The following CNTN4 variants were observed in gnomAD, a reference collection of about 807,000 sequenced individuals.
CNTN4 encodes contactin 4, also known as contactin-4.
A neutral mutation model predicts 122.5 loss-of-function variants in CNTN4; 77 were observed. That is an observed-to-expected ratio of 0.63 (90% confidence interval 0.52 to 0.76). The LOEUF is 0.76. CNTN4 is among the 30% of genes least tolerant of loss of function. The pLI, the probability that CNTN4 is intolerant of heterozygous loss-of-function variation, is 0.00. For missense variants in CNTN4, 1,256 were observed against 1,259.1 expected, an observed-to-expected ratio of 1.00 and a Z score of 0.04; for synonymous variants, 512 against 447.0, an observed-to-expected ratio of 1.15 and a Z score of -1.83.
chr3:2,528,718 G>C (rs1479553), intron 3 of CNTN4, among the ~76,000 whole-genome samples: 14,697 of 151,876 alleles, frequency 0.097, 1,480 homozygotes, highest in East Asian at 0.52. Context: ...ATGAACCAAG[G>C]TTTTTTTCAA....
At chr3:2,505,291 C>CA (rs1428681296) in intron 3 of CNTN4, among the ~76,000 whole-genome samples, 1 of 152,072 alleles carries the variant, frequency 6.6e-6, no homozygotes, top group East Asian at 1.9e-4. Context: ...AAACAGAAAG[C>CA]AGACATCAGA....
intron 2 of CNTN4, among the ~76,000 whole-genome samples, chr3:2,269,530 A>G (rs1364066149): frequency 5.3e-5 from 8 of 152,104 alleles, no homozygotes; most frequent in Non-Finnish European, 1.0e-4. Flanking sequence ...CAGAGGAATC[A>G]TTTCGGTGGC....
intron 13 of CNTN4, among the ~76,000 whole-genome samples, chr3:2,951,146 G>A (rs552302969): frequency 3.9e-4 from 59 of 152,174 alleles, no homozygotes; most frequent in South Asian, 6.2e-4. Flanking sequence ...AATAAATAAC[G>A]AACAATGAAT....
At chr3:2,855,544 T>C (rs1203998692) in intron 7 of CNTN4, among the ~76,000 whole-genome samples, 2 of 152,228 alleles carry the variant, frequency 1.3e-5, no homozygotes, top group African/African-American at 4.8e-5. Context: ...GCTTACTTAG[T>C]AAGGTGAACA....
chr3:2,337,809 A>T (rs557123135), intron 2 of CNTN4, among the ~76,000 whole-genome samples: 5 of 152,136 alleles, frequency 3.3e-5, no homozygotes, highest in South Asian at 4.1e-4. Context: ...AAAACAAAAA[A>T]CTTTGACCGA....
intron 3 of CNTN4, among the ~76,000 whole-genome samples, chr3:2,370,920 A>G (rs535447800): frequency 2.8e-4 from 42 of 152,212 alleles, no homozygotes; most frequent in Non-Finnish European, 4.9e-4. Context: ...AAGTTTCACT[A>G]TCCTCCACCT....
intron 4 of CNTN4, among the ~76,000 whole-genome samples, chr3:2,728,047 C>T (rs970314573): frequency 2.0e-5 from 3 of 152,132 alleles, no homozygotes; most frequent in South Asian, 2.1e-4. Flanking sequence ...CAAGTAGGCA[C>T]TTGGGTAAGG....
chr3:2,243,311 T>A (rs1274908648), intron 2 of CNTN4, among the ~76,000 whole-genome samples: 1 of 152,132 alleles, frequency 6.6e-6, no homozygotes, highest in African/African-American at 2.4e-5. Flanking sequence ...GGGTTATTAC[T>A]ATATTTTTCT....
chr3:2,711,989 T>C (rs1428350602), intron 4 of CNTN4, among the ~76,000 whole-genome samples: 1 of 152,216 alleles, frequency 6.6e-6, no homozygotes, highest in East Asian at 1.9e-4. Flanking sequence ...ATGTTATTTA[T>C]GGGATAGTTT....
Position 2,702,694 on chromosome 3 carries a change from C to A in CNTN4, c.56-33521C>A, listed in dbSNP as rs75161721. Among the ~76,000 whole-genome samples the A allele has an allele frequency of 8.6e-4, 131 of 152,294 alleles. No individual in the cohort carries two copies. The East Asian group carries it at 0.024, about 27-fold the overall frequency. ...AAGAAAAAGTGTTCCTGAGAAAGGG[C>A]AGTATGATTAATCTTACCTAGAGGC... On this transcript the variant is annotated intron_variant, in intron 4 of 24. Coordinates refer to ENST00000418658, the MANE Select transcript of CNTN4 (RefSeq NM_175607.3).
intron 2 of CNTN4, among the ~76,000 whole-genome samples, chr3:2,128,049 G>A (rs2034264048): frequency 6.6e-6 from 1 of 152,202 alleles, no homozygotes. Flanking sequence ...TGCAGAGAGT[G>A]TTTCTCTGAA....
chr3:2,562,881 G>A (rs1469877879), intron 3 of CNTN4, among the ~76,000 whole-genome samples: 3 of 151,758 alleles, frequency 2.0e-5, no homozygotes, highest in East Asian at 3.9e-4. Flanking sequence ...GAGCCACCAC[G>A]GCTGGCTAAC....
At chr3:2,523,372 AC>A (rs200976234) in intron 3 of CNTN4, among the ~76,000 whole-genome samples, 2,428 of 101,738 alleles carry the variant, frequency 0.024, 59 homozygotes, top group Middle Eastern at 0.056. Flanking sequence ...AAAAAAAAAA[AC>A]AAAACTTTTT....
intron 2 of CNTN4, among the ~76,000 whole-genome samples, chr3:2,202,991 A>T (rs76687226): frequency 4.0e-4 from 56 of 139,920 alleles, no homozygotes; most frequent in African/African-American, 9.9e-4. Flanking sequence ...CTGGCTAATT[A>T]TTTTTTTTTT....
At chr3:2,658,065 A>G (rs1345422331) in intron 4 of CNTN4, among the ~76,000 whole-genome samples, 2 of 148,484 alleles carry the variant, frequency 1.3e-5, no homozygotes, top group Admixed American at 6.8e-5. Flanking sequence ...GAAGTGAACT[A>G]GATGTGTTAT....
intron 4 of CNTN4, among the ~76,000 whole-genome samples, chr3:2,587,072 T>G (rs1482915744): frequency 6.6e-6 from 1 of 152,198 alleles, no homozygotes; most frequent in African/African-American, 2.4e-5. Flanking sequence ...TGAGTAAAGT[T>G]TTGATTATGT....
chr3:2,880,342 G>T (rs953817050), intron 8 of CNTN4, among the ~76,000 whole-genome samples: 1 of 152,156 alleles, frequency 6.6e-6, no homozygotes, highest in South Asian at 2.1e-4. Context: ...CTGGGAAGAC[G>T]AAAGACCTCC....
chr3:2,887,614 G>A (rs181837039), intron 10 of CNTN4, among the ~76,000 whole-genome samples: 4 of 151,770 alleles, frequency 2.6e-5, no homozygotes, highest in Admixed American at 2.0e-4. Flanking sequence ...TTTGATTTGA[G>A]GCTTGTGCTA....
At chr3:2,986,794 C>T (rs1049070247) in intron 13 of CNTN4, among the ~76,000 whole-genome samples, 2 of 152,142 alleles carry the variant, frequency 1.3e-5, no homozygotes, top group Admixed American at 6.6e-5. Flanking sequence ...TGTATTTACT[C>T]GGCCACTTAA....
Sources: gnomAD v4.1 joint callset for allele counts (sites outside exome capture counted in the v4.1 genomes callset) on GRCh38, gnomAD v4.1.1 for gene constraint, MANE v1.5 for transcripts, NCBI Gene and HGNC (gene_info 2026-07-23, HGNC 2026-07-21) for gene names.